Variants in ERG observed in about 807,000 individuals in gnomAD.
ERG encodes the protein ETS transcription factor ERG, also known as transcriptional regulator ERG.
A neutral mutation model predicts 55.3 loss-of-function variants in ERG; 9 were observed. The observed-to-expected ratio is 0.16, with a 90% CI of 0.10 to 0.28. The LOEUF (loss-of-function observed/expected upper bound fraction) is 0.28. Ranked by LOEUF, ERG falls within the 10% of genes least tolerant of loss-of-function variation. The probability of loss-of-function intolerance (pLI) is 1.00; values close to 1 mark genes in which losing one functional copy is unlikely to be tolerated. For synonymous variants in ERG, 223 were observed against 237.3 expected (o/e 0.94, Z 0.55); for missense variants, 434 against 631.6 (o/e 0.69, Z 3.35).
Position 38,460,197 on chromosome 21 carries a change from G to T in ERG, c.19-14576C>A, listed in dbSNP as rs562767897. Among the ~76,000 whole-genome samples the T allele has an allele frequency of 6.6e-6, 1 of 152,258 alleles. No individual in the cohort carries two copies. Among genetic ancestry groups the T allele is most frequent in the African/African-American group, 2.4e-5 (1 of 41,560 alleles). ...ACGAGGAACAATGGGACCAAGAACA[G>T]CCAGGGAGGAGGGGTTACTGGAAAG... is the stretch of plus-strand genomic sequence containing the variant. On this transcript the variant is annotated intron_variant, in intron 1 of 9. Coordinates refer to ENST00000288319, the MANE Select transcript of ERG (RefSeq NM_182918.4). This position sits in a 1 kb window ranked among gnomAD's most constrained non-coding sequence, Gnocchi z 5.0.
chr21:38,370,848 C>CA, the ERG span, among the ~76,000 whole-genome samples: 16 of 151,272 alleles, frequency 1.1e-4, no homozygotes, highest in African/African-American at 3.4e-4. Flanking sequence ...CCTAGGGGAA[C>CA]AAAAAACACA....
rs541461141 is a variant in ERG, at chr21:38,460,558, A to T, written c.19-14937T>A. ...TGTCCCACATGCAACGGGAACTTCCATTCATCATCACATGCAGAAACTCTG... is the reference window on the plus strand; with the variant it reads ...TGTCCCACATGCAACGGGAACTTCCTTTCATCATCACATGCAGAAACTCTG... On this transcript the variant is annotated intron_variant, in intron 1 of 9. Transcript: ENST00000288319. The surrounding 1 kb of genome is among the most constrained non-coding windows in gnomAD (Gnocchi z 5.0). 1.3e-5 allele frequency among the ~76,000 whole-genome samples: 2 copies of T among 152,332 alleles called. No homozygotes were observed. Among genetic ancestry groups the T allele is most frequent in the East Asian group, 3.9e-4 (2 of 5,184 alleles).
intron 1 of ERG, among the ~76,000 whole-genome samples, chr21:38,489,015 T>A (rs774796495): frequency 6.6e-6 from 1 of 152,216 alleles, no homozygotes; most frequent in Non-Finnish European, 1.5e-5. Flanking sequence ...TAACGAATAA[T>A]GGACCACGCA....
At chr21:38,549,905 T>A (rs929113005) in intron 2 of ERG, among the ~76,000 whole-genome samples, 47 of 152,320 alleles carry the variant, frequency 3.1e-4, no homozygotes, top group African/African-American at 1.0e-3. Context: ...AGCCCCTGCC[T>A]TCCCTTGGCC....
At chr21:38,496,026 AG>A (rs2059376477) in intron 1 of ERG, among the ~76,000 whole-genome samples, 1 of 152,236 alleles carries the variant, frequency 6.6e-6, no homozygotes, top group Admixed American at 6.5e-5. Context: ...AGACACTTAG[AG>A]ATAAATGAAC....
chr21:38,544,087 G>A (rs2059772660), intron 2 of ERG, among the ~76,000 whole-genome samples: 1 of 152,190 alleles, frequency 6.6e-6, no homozygotes, highest in Non-Finnish European at 1.5e-5. Flanking sequence ...TTACTGTGAA[G>A]GTGATGAAGA....
At chr21:38,395,096 T>C (rs1475059168) in intron 6 of ERG, among the ~76,000 whole-genome samples, 2 of 152,258 alleles carry the variant, frequency 1.3e-5, no homozygotes, top group African/African-American at 4.8e-5. Flanking sequence ...GAGACAGTTA[T>C]ATGAACAATG....
At chr21:38,527,427 T>C (rs1173070776) in intron 2 of ERG, among the ~76,000 whole-genome samples, 1 of 152,204 alleles carries the variant, frequency 6.6e-6, no homozygotes, top group African/African-American at 2.4e-5. Flanking sequence ...TCCTGCTGGC[T>C]GAGGACAGAG....
intron 1 of ERG, among the ~76,000 whole-genome samples, chr21:38,487,557 C>T (rs374020947): frequency 3.9e-5 from 6 of 152,328 alleles, no homozygotes; most frequent in African/African-American, 1.4e-4. Context: ...AATCTGTCTG[C>T]TGTCTGGTCC....
chr21:38,634,833 T>G (rs1057245393), intron 1 of ERG, among the ~76,000 whole-genome samples: 2 of 152,226 alleles, frequency 1.3e-5, no homozygotes, highest in Admixed American at 1.3e-4. Context: ...GTAGAATCCT[T>G]GCCTACAGGG....
chr21:38,499,410 C>T (rs2059404523), upstream of ERG, among the ~76,000 whole-genome samples: 1 of 152,120 alleles, frequency 6.6e-6, no homozygotes, highest in South Asian at 2.1e-4. Flanking sequence ...TAGAGGGTTT[C>T]AGGACTTTAA....
intron 3 of ERG, among the ~76,000 whole-genome samples, chr21:38,408,098 C>T (rs1241111089): frequency 6.6e-6 from 1 of 152,122 alleles, no homozygotes; most frequent in African/African-American, 2.4e-5. Flanking sequence ...GATCTCCACA[C>T]CTCTGCCCTA....
intron 9 of ERG, among the ~76,000 whole-genome samples, chr21:38,386,982 T>C (rs1251019081): frequency 1.3e-5 from 2 of 152,122 alleles, no homozygotes; most frequent in Admixed American, 6.5e-5. Context: ...GAGGCACTCC[T>C]TTAATTTTAC....
chr21:38,532,561 CAGA>C (rs2059680483), intron 2 of ERG, among the ~76,000 whole-genome samples: 1 of 152,162 alleles, frequency 6.6e-6, no homozygotes, highest in Non-Finnish European at 1.5e-5. Flanking sequence ...GCTGGTGTGT[CAGA>C]AGGAGCTTTA....
intron 2 of ERG, among the ~76,000 whole-genome samples, chr21:38,556,123 C>T (rs2146826489): frequency 6.6e-6 from 1 of 150,398 alleles, no homozygotes. Flanking sequence ...TTTCTAGGGA[C>T]ATGGAAAAAA....
chr21:38,501,684 C>T (rs1450984972), upstream of ERG, among the ~76,000 whole-genome samples: 1 of 152,126 alleles, frequency 6.6e-6, no homozygotes, highest in Non-Finnish European at 1.5e-5. Context: ...TCCTTTTTCA[C>T]TCTCCTTGAG....
At chr21:38,554,803 C>T (rs955599083) in intron 2 of ERG, among the ~76,000 whole-genome samples, 7 of 151,064 alleles carry the variant, frequency 4.6e-5, no homozygotes, top group African/African-American at 1.5e-4. Flanking sequence ...CAAACGTACA[C>T]GTGTACCCCC....
At chr21:38,520,971 G>GTT (rs2059590016) in intron 2 of ERG, among the ~76,000 whole-genome samples, 1 of 152,118 alleles carries the variant, frequency 6.6e-6, no homozygotes, top group African/African-American at 2.4e-5. Flanking sequence ...GGAATCACCA[G>GTT]TTTATAGATG....
Position 38,460,328 on chromosome 21 carries a change from C to T in ERG, c.19-14707G>A, listed in dbSNP as rs2059030068. On this transcript the variant is annotated intron_variant, in intron 1 of 9. Transcript: ENST00000288319. The surrounding 1 kb of genome is among the most constrained non-coding windows in gnomAD (Gnocchi z 5.0). ...GTTGACTCAGAGAGAAGTGGAGTCT[C>T]TCTAGCCGTCTTGGCTAAAAGCCCG... 6.6e-6 allele frequency among the ~76,000 whole-genome samples: 1 copy of T among 152,220 alleles called. No individual in the cohort carries two copies. The highest frequency in any genetic ancestry group is 2.4e-5 in the African/African-American group (1 of 41,454).
Sources: gnomAD v4.1 joint callset for allele counts (sites outside exome capture counted in the v4.1 genomes callset) on GRCh38, gnomAD v4.1.1 for gene constraint, Gnocchi (gnomAD v3.1) non-coding constraint, MANE v1.5 for transcripts, NCBI Gene and HGNC (gene_info 2026-07-23, HGNC 2026-07-21) for gene names.